The following MCM3AP variants were observed in gnomAD, a reference collection of about 807,000 sequenced individuals.
MCM3AP encodes germinal-center associated nuclear protein.
In MCM3AP, 126 loss-of-function variants were observed where a neutral mutation model predicts 184.1. That is an observed-to-expected ratio of 0.68 (90% CI 0.59 to 0.79). MCM3AP has a LOEUF of 0.79. Among genes scored for constraint, MCM3AP ranks in the 30% least tolerant of loss-of-function variants. The pLI is 0.00. For missense variants in MCM3AP, 2,496 were observed against 2,479.2 expected (o/e 1.01, Z -0.14); for synonymous variants, 1,002 against 979.3 (o/e 1.02, Z -0.43).
chr21:46,270,137 T>G, intron 9 of MCM3AP: 1 of 321,914 alleles, frequency 3.1e-6, no homozygotes. Flanking sequence ...TAGTGCTGAA[T>G]TCAACCTATG....
At chr21:46,271,979 G>C (rs974479265) in intron 8 of MCM3AP, among the ~76,000 whole-genome samples, 6 of 151,646 alleles carry the variant, frequency 4.0e-5, no homozygotes, top group African/African-American at 9.7e-5. Flanking sequence ...GGGATTCTTA[G>C]AACTAAAGGG....
At chr21:46,268,095 G>A (rs1454631597) in intron 9 of MCM3AP, 2 of 152,122 alleles carry the variant, frequency 1.3e-5, no homozygotes, top group African/African-American at 4.8e-5. Flanking sequence ...TACTAGGGAG[G>A]CTGAGGCAGG....
chr21:46,285,169 C>CA lies in MCM3AP; in HGVS notation c.117dup (p.Gly40TrpfsTer49). ...TTCCCAGATAAGGTACTGTTTTGTC[C>CA]AAAAAGAGAAGGTTGACCAAATCGA... On this transcript the variant is annotated frameshift_variant, in exon 1 of 28. Coordinates refer to ENST00000291688, the MANE Select transcript of MCM3AP (RefSeq NM_003906.5). LOFTEE classifies it high-confidence loss of function. 1 of 1,614,074 alleles carries CA rather than the reference C, an allele frequency of 6.2e-7. No individual in the cohort carries two copies. Among genetic ancestry groups the CA allele is most frequent in the Non-Finnish European group, 8.5e-7 (1 of 1,180,026 alleles).
At position 46,263,086 on chromosome 21, in the gene MCM3AP, T is replaced by A. The variant is rs570059430; in HGVS notation, c.3335+1031A>T. On this transcript the variant is annotated intron_variant, in intron 13 of 27. Transcript: ENST00000291688. Reference sequence around the variant, plus strand: ...GGCTCACACCTGTAATCCCAGCAGTTTAGGAGGCCAAGGCGGGCGGATCAC... The same window carrying A: ...GGCTCACACCTGTAATCCCAGCAGTATAGGAGGCCAAGGCGGGCGGATCAC... Among the ~76,000 whole-genome samples the A allele has an allele frequency of 5.3e-5, 8 of 151,212 alleles. No individual in the cohort carries two copies. In the East Asian group the frequency reaches 1.6e-3, roughly 30 times the overall value.
At position 46,285,376 on chromosome 21, in the gene MCM3AP, C is replaced by T. The variant is rs921462171; in HGVS notation, c.-90G>A. ...ACAGCCTGTAGCACTAGGGAGTTCCCCTTCGTCTTTAGAACAAGCTGAAAG... is the reference window on the plus strand; with the variant it reads ...ACAGCCTGTAGCACTAGGGAGTTCCTCTTCGTCTTTAGAACAAGCTGAAAG... On this transcript the variant is annotated 5_prime_UTR_variant, in exon 1 of 28. Coordinates refer to ENST00000291688, the MANE Select transcript of MCM3AP (RefSeq NM_003906.5). The T allele has an allele frequency of 4.9e-6, 4 of 821,798 alleles. No individual in the cohort carries two copies. In the African/African-American group the frequency reaches 6.8e-5, roughly 14 times the overall value. 50.9% of individuals were successfully genotyped at this position (821,798 alleles called of 1,614,324 possible). A position where few individuals can be genotyped will look rare whatever the true frequency, so the allele number is the denominator to read the frequency against.
At chr21:46,258,863 A>C in intron 16 of MCM3AP, 76 bp downstream of exon 16, 37 of 1,435,092 alleles carry the variant, frequency 2.6e-5, no homozygotes, top group Non-Finnish European at 3.3e-5. Context: ...AGAAACTAAT[A>C]GCTCATATAT....
chr21:46,278,297 CAG>C (rs1475100976), intron 4 of MCM3AP, among the ~76,000 whole-genome samples: 2 of 152,038 alleles, frequency 1.3e-5, no homozygotes, highest in Middle Eastern at 3.2e-3. Flanking sequence ...TGTTTTAAAA[CAG>C]AAATTATTTT....
chr21:46,263,414 CGAAA>C (rs1555911938), intron 13 of MCM3AP, among the ~76,000 whole-genome samples: 1 of 151,978 alleles, frequency 6.6e-6, no homozygotes, highest in Non-Finnish European at 1.5e-5. Flanking sequence ...AAAGCATTGT[CGAAA>C]GAAATTAAGA....
chr21:46,241,255 G>C, intron 25 of MCM3AP: 1 of 462,728 alleles, frequency 2.2e-6, no homozygotes, highest in Non-Finnish European at 3.9e-6. Flanking sequence ...CTTATGCACA[G>C]AGGCATTGAG....
Position 46,243,577 on chromosome 21 carries a change from T to A in MCM3AP, c.5184A>T (p.Pro1728=), listed in dbSNP as rs971259120. 4 of 1,614,222 alleles carry A rather than the reference T, an allele frequency of 2.5e-6. No homozygotes were observed. The highest frequency in any genetic ancestry group is 3.4e-6 in the Non-Finnish European group (4 of 1,180,040). ...TGACCGAGGGGCCTGCCCCATGGAC[T>A]GGGGAGGGACTCTTGCTCTTCCACC... ...YCRWKSKSPS[P]VHGAGPSVME... is the part of the protein sequence containing the mutation. The change falls in exon 24 of 28, where the codon CCA becomes CCT. Residue 1728 remains proline, a synonymous_variant. Transcript: ENST00000291688.
Position 46,266,036 on chromosome 21 carries a change from CG to C in MCM3AP, c.2919del (p.Val974SerfsTer47). ...CTGCACACAGGGGTATGACGAGGGA[CG>C]GGGGGCAATGGCCCTCCGTTCACAA... ...GEIVNGGPLP[P>X]VPRHTPVCSF... is the part of the protein sequence containing the mutation. On this transcript the variant is annotated frameshift_variant, in exon 11 of 28. Transcript: ENST00000291688. LOFTEE classifies it high-confidence loss of function. 1 of 1,611,958 alleles carries C rather than the reference CG, an allele frequency of 6.2e-7. No individual in the cohort carries two copies. Among genetic ancestry groups the C allele is most frequent in the Non-Finnish European group, 8.5e-7 (1 of 1,179,102 alleles).
intron 17 of MCM3AP, 43 bp from the exon 18 acceptor site, chr21:46,254,887 G>C: frequency 6.8e-7 from 1 of 1,466,296 alleles, no homozygotes; most frequent in Non-Finnish European, 9.6e-7. Context: ...CAGGAGCTTA[G>C]TGAGAAGTAC....
rs7279894 is a variant in MCM3AP, at chr21:46,256,926, A to G, written c.3795T>C (p.Ala1265=). 0.019 allele frequency: 31,166 copies of G among 1,611,896 alleles called. 1,034 individuals carry two copies. The highest frequency in any genetic ancestry group is 0.13 in the African/African-American group (9,626 of 74,990). Residue 1265 remains alanine, a synonymous_variant, in exon 17 of 28, where the codon GCT becomes GCC. Transcript: ENST00000291688. ...CGCTCACGTCCACGCAGCAGGGCGC[A>G]GCAGGGAAAGCCCGCATTTGGCGCC... The part of the protein sequence containing the change: ...KLRRQMRAFP[A]APCCVDVSDR...
intron 19 of MCM3AP, 67 bp from the exon 20 acceptor site, chr21:46,251,749 T>C: frequency 2.0e-6 from 2 of 1,013,034 alleles, no homozygotes; most frequent in Admixed American, 2.6e-5. Flanking sequence ...ATTTGAATTA[T>C]AAAGACTTTC....
chr21:46,240,841 C>T lies in MCM3AP; in HGVS notation c.5603G>A (p.Ser1868Asn), dbSNP rs904959572. The T allele has an allele frequency of 2.5e-6, 4 of 1,614,088 alleles. No individual in the cohort carries two copies. The highest frequency in any genetic ancestry group is 3.4e-6 in the Non-Finnish European group (4 of 1,180,056). ...GTTCTCTTCTTTCTCCAGCAGCAGA[C>T]TGCTCGACAAACACTGCGCCAAGAG... ...EELLAQCLSS[S>N]LLLEKEENKR... Residue 1868 changes from serine to asparagine, a missense_variant, in exon 26 of 28, where the codon AGT becomes AAT. Physicochemically the swap from Ser to Asn is conservative, Grantham distance 46. Around this residue, in one of 5 missense-constraint regions of MCM3AP, gnomAD observed 1,323 missense variants for 1,273.4 expected, o/e 1.04. Transcript: ENST00000291688.
Position 46,279,980 on chromosome 21 carries a change from G to A in MCM3AP, c.1667+13C>T, listed in dbSNP as rs372854322. On this transcript the variant is annotated intron_variant, in intron 4 of 27. Transcript: ENST00000291688. Reference sequence around the variant, plus strand: ...CCTTCCGGAATAAGGTCATTAGGAGGGACCGATCCCACCTTTTATTCAGGA... The same window carrying A: ...CCTTCCGGAATAAGGTCATTAGGAGAGACCGATCCCACCTTTTATTCAGGA... The A allele has an allele frequency of 6.2e-7, 1 of 1,607,526 alleles. No homozygotes were observed. Among genetic ancestry groups the A allele is most frequent in the Non-Finnish European group, 8.5e-7 (1 of 1,177,782 alleles).
intron 8 of MCM3AP, among the ~76,000 whole-genome samples, chr21:46,272,267 C>T (rs566933944): frequency 6.6e-6 from 1 of 152,346 alleles, no homozygotes; most frequent in South Asian, 2.1e-4. Flanking sequence ...ACTCACCTGT[C>T]TCATGAGGAG....
chr21:46,266,450 A>G, intron 10 of MCM3AP: 1 of 313,544 alleles, frequency 3.2e-6, no homozygotes, highest in Non-Finnish European at 5.8e-6. Context: ...TGGAAGGAGG[A>G]GACAGAACTA....
Position 46,279,879 on chromosome 21 carries a change from T to C in MCM3AP, c.1667+114A>G, listed in dbSNP as rs1410842120. 6.1e-6 allele frequency: 6 copies of C among 990,794 alleles called. No homozygotes were observed. The African/African-American group carries it at 6.8e-5, about 11-fold the overall frequency. The allele number at this position is 990,794 out of a possible 1,614,324, so 61.4% of individuals were successfully genotyped here. A position where few individuals can be genotyped will look rare whatever the true frequency, so the allele number is the denominator to read the frequency against. On this transcript the variant is annotated intron_variant, in intron 4 of 27. Coordinates refer to ENST00000291688, the MANE Select transcript of MCM3AP (RefSeq NM_003906.5). ...TCCACCCCCAACCATCCCTAGCAAC[T>C]GGCTTTTGTCTCCTCACCACTCCCC...
Sources: allele counts gnomAD v4.1 joint callset (sites outside exome capture counted in the v4.1 genomes callset), GRCh38; gene constraint gnomAD v4.1.1; regional missense constraint gnomAD v4.1.1; transcripts MANE v1.5; gene names NCBI Gene and HGNC (gene_info 2026-07-23, HGNC 2026-07-21).